RBMS3: variants seen among roughly 807,000 people sequenced by gnomAD.
The protein encoded by RBMS3 is RNA-binding motif, single-stranded-interacting protein 3.
Under a neutral mutation model 66.8 loss-of-function variants are expected in RBMS3, and 27 were observed. The ratio of observed to expected loss-of-function variants is 0.40; its 90% CI spans 0.30 to 0.56. The LOEUF is 0.56. RBMS3 is among the 20% of genes least tolerant of loss of function. The pLI, the probability that RBMS3 is intolerant of heterozygous loss-of-function variation, is 0.40. For synonymous variants in RBMS3, 188 were observed against 183.0 expected (o/e 1.03, Z -0.22); for missense variants, 513 against 549.5 (o/e 0.93, Z 0.66).
intron 3 of RBMS3, among the ~76,000 whole-genome samples, chr3:29,528,919 T>C (rs1576129206): frequency 6.6e-6 from 1 of 152,130 alleles, no homozygotes; most frequent in Non-Finnish European, 1.5e-5. Context: ...CTTTTTTTCT[T>C]TTTTAGTAGA....
chr3:29,942,455 T>C (rs1276637743), intron 11 of RBMS3, among the ~76,000 whole-genome samples: 1 of 151,628 alleles, frequency 6.6e-6, no homozygotes, highest in Admixed American at 6.6e-5. Flanking sequence ...CCCAGGAGTT[T>C]GAGGTTACAG....
chr3:29,282,810 G>A (rs1013045316), intron 1 of RBMS3, among the ~76,000 whole-genome samples: 28 of 152,124 alleles, frequency 1.8e-4, no homozygotes, highest in African/African-American at 6.5e-4. Flanking sequence ...GATGTGATTA[G>A]GGTTAGGTAA....
chr3:29,532,345 A>T (rs1355226554), intron 3 of RBMS3, among the ~76,000 whole-genome samples: 3 of 149,678 alleles, frequency 2.0e-5, no homozygotes, highest in Non-Finnish European at 3.0e-5. Context: ...CTAAGACAAG[A>T]GTCCCTTGGA....
intron 4 of RBMS3, chr3:29,698,609 C>T (rs1239519489): frequency 7.1e-6 from 7 of 984,840 alleles, no homozygotes; most frequent in Non-Finnish European, 8.4e-6. Flanking sequence ...TACCAAAACA[C>T]GAAGGACAAG....
intron 6 of RBMS3, among the ~76,000 whole-genome samples, chr3:29,813,820 A>T (rs952883153): frequency 2.6e-5 from 4 of 152,110 alleles, no homozygotes; most frequent in African/African-American, 9.7e-5. Flanking sequence ...TGATTTTTGT[A>T]CATTGATTTT....
intron 3 of RBMS3, among the ~76,000 whole-genome samples, chr3:29,534,658 T>G (rs1007524240): frequency 6.6e-6 from 1 of 152,184 alleles, no homozygotes; most frequent in Non-Finnish European, 1.5e-5. Context: ...ACCTTTTGGA[T>G]CATGAAGATA....
At position 29,431,301 on chromosome 3, in the gene RBMS3, C is replaced by CTTTT. The variant is rs548031550; in HGVS notation, c.76-3433_76-3430dup. ...TGTTTCTTTCTTTCTTTTTCCTTTT[C>CTTTT]TTTTTTTTTTTTGACAGAGTCTCAC... On this transcript the variant is annotated intron_variant, in intron 1 of 14. Transcript: ENST00000383767. Among the ~76,000 whole-genome samples the CTTTT allele has an allele frequency of 4.8e-4, 63 of 132,388 alleles. 10 individuals carry two copies. The highest frequency in any genetic ancestry group is 1.0e-3 in the Admixed American group (13 of 12,432). The allele number at this position is 132,388 out of a possible 152,430, so 86.9% of individuals were successfully genotyped here.
At chr3:29,858,774 A>G (rs147774219) in intron 6 of RBMS3, among the ~76,000 whole-genome samples, 53 of 152,336 alleles carry the variant, frequency 3.5e-4, no homozygotes, top group African/African-American at 1.3e-3. Flanking sequence ...ATCTTTTTAT[A>G]TAGGGAAGGA....
intron 6 of RBMS3, among the ~76,000 whole-genome samples, chr3:29,787,538 C>A (rs2056861190): frequency 6.6e-6 from 1 of 152,106 alleles, no homozygotes; most frequent in African/African-American, 2.4e-5. Flanking sequence ...TGCAGCAATG[C>A]CATTGCAATT....
At chr3:29,897,246 A>G (rs2060143365) in intron 8 of RBMS3, 133 bp from the exon 9 acceptor site, 3 of 710,314 alleles carry the variant, frequency 4.2e-6, no homozygotes, top group Non-Finnish European at 7.5e-6. Flanking sequence ...AATCTCCTAG[A>G]CGTTCTTGTT....
At chr3:29,857,751 G>C (rs1298438174) in intron 6 of RBMS3, among the ~76,000 whole-genome samples, 1 of 152,088 alleles carries the variant, frequency 6.6e-6, no homozygotes, top group Non-Finnish European at 1.5e-5. Context: ...ATAGGGCCCA[G>C]CTCCTGACCT....
intron 6 of RBMS3, among the ~76,000 whole-genome samples, chr3:29,866,251 AT>A (rs2059362265): frequency 6.6e-6 from 1 of 152,136 alleles, no homozygotes; most frequent in African/African-American, 2.4e-5. Flanking sequence ...GACAAATTGT[AT>A]ATTGGGAATA....
In RBMS3 at chr3:29,745,788, C is replaced by T. The variant is rs12495435; in HGVS notation, c.557+5911C>T. 5.1e-3 allele frequency among the ~76,000 whole-genome samples: 771 copies of T among 152,086 alleles called. 7 individuals carry two copies. Among genetic ancestry groups the T allele is most frequent in the Non-Finnish European group, 8.7e-3 (590 of 68,004 alleles). On this transcript the variant is annotated intron_variant, in intron 5 of 14. Coordinates refer to ENST00000383767, the MANE Select transcript of RBMS3 (RefSeq NM_001003793.3). Reference sequence around the variant, plus strand: ...TACTCTTAATCTGATTCTCATGGAGCTTTGTTTGAATGACTTCTAACATAT... The same window carrying T: ...TACTCTTAATCTGATTCTCATGGAGTTTTGTTTGAATGACTTCTAACATAT...
chr3:29,957,939 C>T (rs977060015), intron 12 of RBMS3, among the ~76,000 whole-genome samples: 2 of 152,130 alleles, frequency 1.3e-5, no homozygotes, highest in Admixed American at 6.6e-5. Flanking sequence ...CATCAGGTGC[C>T]TCACCATCAT....
intron 10 of RBMS3, among the ~76,000 whole-genome samples, chr3:29,923,331 G>T (rs368666289): frequency 7.9e-5 from 12 of 152,134 alleles, no homozygotes; most frequent in East Asian, 5.8e-4. Context: ...AGCACATGGG[G>T]ATAGATGATA....
intron 6 of RBMS3, among the ~76,000 whole-genome samples, chr3:29,773,487 G>A (rs1301460569): frequency 6.6e-6 from 1 of 152,006 alleles, no homozygotes; most frequent in Non-Finnish European, 1.5e-5. Flanking sequence ...ATTGAACTGA[G>A]TGTGAGACAC....
chr3:29,884,464 C>G (rs2059815994), intron 8 of RBMS3, among the ~76,000 whole-genome samples: 1 of 113,516 alleles, frequency 8.8e-6, no homozygotes, highest in Non-Finnish European at 2.0e-5. Flanking sequence ...CTCTCTCTCT[C>G]TCTCTCCCCC....
At chr3:29,378,974 A>C (rs2038630003) in intron 1 of RBMS3, among the ~76,000 whole-genome samples, 1 of 152,212 alleles carries the variant, frequency 6.6e-6, no homozygotes, top group African/African-American at 2.4e-5. Context: ...CTGCTGACTT[A>C]ACTTTCTCAG....
intron 6 of RBMS3, among the ~76,000 whole-genome samples, chr3:29,777,615 C>G (rs867904672): frequency 4.1e-4 from 62 of 151,858 alleles, no homozygotes; most frequent in African/African-American, 1.5e-3. Context: ...GCACAAGAAC[C>G]CTTTTCATTT....
Sources: gnomAD v4.1 joint callset for allele counts (sites outside exome capture counted in the v4.1 genomes callset) on GRCh38, gnomAD v4.1.1 for gene constraint, MANE v1.5 for transcripts, NCBI Gene and HGNC (gene_info 2026-07-23, HGNC 2026-07-21) for gene names.